Variants in SAMD5 observed in about 807,000 individuals in gnomAD.
SAMD5 encodes sterile alpha motif domain containing 5, also known as sterile alpha motif domain-containing protein 5.
In SAMD5, 13 loss-of-function variants were observed where a neutral mutation model predicts 11.3. The observed-to-expected ratio is 1.15, with a 90% CI of 0.75 to 1.83. The LOEUF (loss-of-function observed/expected upper bound fraction) is 1.83, where lower values mean the gene tolerates loss of function less well. Among genes scored for constraint, SAMD5 ranks in the 40% most tolerant of loss-of-function variants. SAMD5 has a pLI of 0.00. For synonymous variants in SAMD5, 129 were observed against 111.3 expected, an observed-to-expected ratio of 1.16 and a Z score of -1.00; for missense variants, 255 against 239.1, an observed-to-expected ratio of 1.07 and a Z score of -0.44.
the SAMD5 span, among the ~76,000 whole-genome samples, chr6:147,766,765 A>G: frequency 5.3e-5 from 8 of 152,216 alleles, no homozygotes; most frequent in Non-Finnish European, 1.0e-4. Context: ...TGACAGAATG[A>G]CACTTGTGTA....
chr6:147,763,055 G>GC, the SAMD5 span, among the ~76,000 whole-genome samples: 731 of 152,148 alleles, frequency 4.8e-3, 16 homozygotes, highest in East Asian at 0.074. Context: ...ACATACCAAT[G>GC]CCCCATTCCA....
chr6:147,706,624 A>T lies in SAMD5; in HGVS notation c.163-30693A>T, dbSNP rs115313256. Among the ~76,000 whole-genome samples, 1,103 of 152,290 alleles carry T rather than the reference A, an allele frequency of 7.2e-3. 17 individuals carry two copies. The highest frequency in any genetic ancestry group is 0.025 in the African/African-American group (1,041 of 41,552). ...GAGAGTCCACTTATTCTAAACATGG[A>T]TTGAAAATACAGAATTCTTGGGGAT... On this transcript the variant is annotated intron_variant, in intron 1 of 1. Coordinates refer to the SAMD5 transcript ENST00000566741.
intron 1 of SAMD5, among the ~76,000 whole-genome samples, chr6:147,591,549 T>C (rs775606692): frequency 1.3e-5 from 2 of 152,156 alleles, no homozygotes; most frequent in Non-Finnish European, 2.9e-5. Context: ...TGTGACACTT[T>C]ATGCATAGTT....
intron 1 of SAMD5, among the ~76,000 whole-genome samples, chr6:147,553,703 T>A (rs1788809132): frequency 1.3e-5 from 2 of 152,344 alleles, no homozygotes; most frequent in African/African-American, 4.8e-5. Flanking sequence ...CTGCTTTAGG[T>A]AACACATTTG....
chr6:147,790,488 G>A, the SAMD5 span, among the ~76,000 whole-genome samples: 1 of 152,332 alleles, frequency 6.6e-6, no homozygotes, highest in South Asian at 2.1e-4. Flanking sequence ...GAAATTAAGT[G>A]TGGTTTAAAA....
the SAMD5 span, among the ~76,000 whole-genome samples, chr6:147,758,343 G>T: frequency 6.6e-6 from 1 of 152,172 alleles, no homozygotes; most frequent in East Asian, 1.9e-4. Context: ...CACCTTAATA[G>T]AAACAGACAA....
the SAMD5 span, among the ~76,000 whole-genome samples, chr6:147,780,974 A>G: frequency 1.3e-5 from 2 of 152,184 alleles, no homozygotes; most frequent in Non-Finnish European, 2.9e-5. Flanking sequence ...TAAGTTCAGG[A>G]AAAGAAAAAA....
chr6:147,790,812 CTCTCTCTCTCT>C, the SAMD5 span, among the ~76,000 whole-genome samples: 13 of 127,042 alleles, frequency 1.0e-4, no homozygotes, highest in Non-Finnish European at 1.7e-4. Flanking sequence ...CTCTCTCTCT[CTCTCTCTCTCT>C]CTCTTCTCTG....
rs1789083760 is a variant in SAMD5 at position 147,568,714 on chromosome 6, A to G, written c.*4258A>G. The G allele has an allele frequency of 1.0e-6, 1 of 984,704 alleles. No individual in the cohort carries two copies. Among genetic ancestry groups the G allele is most frequent in the South Asian group, 4.7e-5 (1 of 21,274 alleles). The allele number at this position is 984,704 out of a possible 1,614,324, so 61.0% of individuals were successfully genotyped here. A position where few individuals can be genotyped will look rare whatever the true frequency, so the allele number is the denominator to read the frequency against. On this transcript the variant is annotated 3_prime_UTR_variant, in exon 2 of 2. Coordinates refer to ENST00000367474, the MANE Select transcript of SAMD5 (RefSeq NM_001030060.3). ...AGGCTTTCTCTTTTAGAGTTTTCTA[A>G]TTTTACTCTTATTAGCTCCCTCAGT...
chr6:147,547,358 T>G (rs1788702326), intron 1 of SAMD5, among the ~76,000 whole-genome samples: 1 of 152,196 alleles, frequency 6.6e-6, no homozygotes, highest in African/African-American at 2.4e-5. Flanking sequence ...CAGCCGGGGC[T>G]CCTATCTGGA....
At chr6:147,881,630 C>T in the SAMD5 span, among the ~76,000 whole-genome samples, 2 of 152,284 alleles carry the variant, frequency 1.3e-5, no homozygotes, top group South Asian at 4.2e-4. Flanking sequence ...TTCCTTACAA[C>T]AGCACACAAT....
chr6:147,518,048 CA>C (rs1460369519), intron 1 of SAMD5, among the ~76,000 whole-genome samples: 5 of 152,082 alleles, frequency 3.3e-5, no homozygotes, highest in African/African-American at 1.2e-4. Context: ...CATGTATTTG[CA>C]AAGAGCAAGG....
chr6:147,679,115 A>G (rs1257244189), intron 1 of SAMD5, among the ~76,000 whole-genome samples: 1 of 51,718 alleles, frequency 1.9e-5, no homozygotes, highest in Non-Finnish European at 6.2e-5. Flanking sequence ...ATTATTACAA[A>G]TAAATCTATG....
intron 1 of SAMD5, among the ~76,000 whole-genome samples, chr6:147,710,004 C>T (rs1022275953): frequency 3.9e-5 from 6 of 152,208 alleles, no homozygotes; most frequent in African/African-American, 1.2e-4. Context: ...AAGTGCTTTA[C>T]GATCAGGCCT....
At chr6:147,639,500 AG>A (rs1240227344) in intron 1 of SAMD5, among the ~76,000 whole-genome samples, 1 of 152,178 alleles carries the variant, frequency 6.6e-6, no homozygotes, top group Non-Finnish European at 1.5e-5. Flanking sequence ...GGGGTCCCCG[AG>A]GAGCTATGGC....
intron 1 of SAMD5, among the ~76,000 whole-genome samples, chr6:147,614,175 G>A (rs964636249): frequency 2.6e-5 from 4 of 151,870 alleles, no homozygotes; most frequent in African/African-American, 9.7e-5. Flanking sequence ...CCTGTAGAAA[G>A]ATGAGCTGAT....
the SAMD5 span, among the ~76,000 whole-genome samples, chr6:147,900,684 G>A: frequency 3.3e-5 from 5 of 152,120 alleles, no homozygotes; most frequent in South Asian, 2.1e-4. Flanking sequence ...TATCTGTGTC[G>A]CTTTGAATGT....
chr6:147,833,740 A>G, the SAMD5 span, among the ~76,000 whole-genome samples: 1 of 152,154 alleles, frequency 6.6e-6, no homozygotes, highest in Non-Finnish European at 1.5e-5. Flanking sequence ...ATTTTCTTCA[A>G]TTTGTGTCTA....
At chr6:147,705,464 A>G (rs373252974) in intron 1 of SAMD5, among the ~76,000 whole-genome samples, 42 of 152,302 alleles carry the variant, frequency 2.8e-4, no homozygotes, top group Non-Finnish European at 5.6e-4. Context: ...TTATGCTATC[A>G]TATTATTTTT....
Sources: allele counts gnomAD v4.1 joint callset (sites outside exome capture counted in the v4.1 genomes callset), GRCh38; gene constraint gnomAD v4.1.1; transcripts MANE v1.5; gene names NCBI Gene and HGNC (gene_info 2026-07-23, HGNC 2026-07-21).